Variants in RANBP2 observed in about 807,000 individuals in gnomAD.
RANBP2 encodes E3 SUMO-protein ligase RanBP2.
A neutral mutation model predicts 303.6 loss-of-function variants in RANBP2; 57 were observed. The ratio of observed to expected loss-of-function variants is 0.19; its 90% CI spans 0.15 to 0.23. The LOEUF is 0.23. Among genes scored for constraint, RANBP2 ranks in the 10% least tolerant of loss-of-function variants. The pLI is 1.00. For synonymous variants in RANBP2, 1,167 were observed against 1,301.5 expected (o/e 0.90, Z 2.23); for missense variants, 3,138 against 3,780.8 (o/e 0.83, Z 4.46).
At chr2:109,547,631 T>C in the RANBP2 span, among the ~76,000 whole-genome samples, 2 of 152,174 alleles carry the variant, frequency 1.3e-5, no homozygotes, top group Non-Finnish European at 1.5e-5. Context: ...TTAATTTATT[T>C]TGTTCCACAA....
the RANBP2 span, among the ~76,000 whole-genome samples, chr2:109,167,455 C>A: frequency 2.0e-5 from 3 of 152,150 alleles, no homozygotes; most frequent in Non-Finnish European, 4.4e-5. Flanking sequence ...GTAGAAATAA[C>A]CCCCAGGCTA....
At chr2:108,848,414 A>G in the RANBP2 span, among the ~76,000 whole-genome samples, 1 of 152,202 alleles carries the variant, frequency 6.6e-6, no homozygotes, top group Non-Finnish European at 1.5e-5. Flanking sequence ...GAGACTCTGT[A>G]TTAATCGAGG....
At chr2:109,092,136 G>A in the RANBP2 span, among the ~76,000 whole-genome samples, 2 of 152,232 alleles carry the variant, frequency 1.3e-5, no homozygotes, top group East Asian at 3.9e-4. Context: ...TGTGTATGTG[G>A]AGGGGATCTC....
chr2:109,747,552 G>A, the RANBP2 span, among the ~76,000 whole-genome samples: 1 of 149,648 alleles, frequency 6.7e-6, no homozygotes, highest in African/African-American at 2.5e-5. Context: ...TCAGGAGTTC[G>A]AGCCTGGCCA....
At chr2:109,202,167 C>T in the RANBP2 span, among the ~76,000 whole-genome samples, 1 of 152,170 alleles carries the variant, frequency 6.6e-6, no homozygotes, top group Non-Finnish European at 1.5e-5. Context: ...TAGATGAACA[C>T]GGGGAAGAAA....
At chr2:108,832,884 C>T in the RANBP2 span, among the ~76,000 whole-genome samples, 1 of 152,068 alleles carries the variant, frequency 6.6e-6, no homozygotes, top group Non-Finnish European at 1.5e-5. Flanking sequence ...ACCTGCTGTT[C>T]TAGAACTATA....
the RANBP2 span, among the ~76,000 whole-genome samples, chr2:109,246,953 C>G: frequency 1.3e-5 from 2 of 152,172 alleles, no homozygotes; most frequent in Non-Finnish European, 2.9e-5. Flanking sequence ...GGAGGCGTTC[C>G]CAGAGCATGA....
At chr2:109,268,794 G>T in the RANBP2 span, among the ~76,000 whole-genome samples, 1 of 151,990 alleles carries the variant, frequency 6.6e-6, no homozygotes, top group South Asian at 2.1e-4. Context: ...AGGCTAATGT[G>T]CGTGTTCTGA....
chr2:108,860,362 T>C, the RANBP2 span, among the ~76,000 whole-genome samples: 7 of 152,274 alleles, frequency 4.6e-5, no homozygotes, highest in Admixed American at 4.6e-4. Flanking sequence ...GCTAGGACTT[T>C]AGTACTTTGT....
the RANBP2 span, among the ~76,000 whole-genome samples, chr2:109,063,218 G>C: frequency 6.6e-6 from 1 of 152,140 alleles, no homozygotes; most frequent in African/African-American, 2.4e-5. Flanking sequence ...AACTATGCTT[G>C]TATATCCCCG....
At position 108,763,310 on chromosome 2, in the gene RANBP2, C is replaced by A; in HGVS notation, c.2771C>A (p.Pro924Gln). 1 of 1,613,944 alleles carries A rather than the reference C, an allele frequency of 6.2e-7. No individual in the cohort carries two copies. Among genetic ancestry groups the A allele is most frequent in the African/African-American group, 1.3e-5 (1 of 74,992 alleles). ...IYAYPQQMHT[P>Q]PVQSSSACMF... ...GCCTATCCGCAACAGATGCACACAC[C>A]GCCAGTGCAAAGCTCATCTGCTTGT... The change falls in exon 20 of 29, where the codon CCG becomes CAG. Residue 924 changes from proline (P) to glutamine (Q), a missense_variant. By Grantham distance (76) the Pro-to-Gln change is moderately conservative. This residue lies in a region of RANBP2 where 403 missense variants were observed against 376.7 expected (regional missense o/e 1.07). Coordinates refer to ENST00000283195, the MANE Select transcript of RANBP2 (RefSeq NM_006267.5).
the RANBP2 span, among the ~76,000 whole-genome samples, chr2:109,683,274 C>T: frequency 6.6e-6 from 1 of 152,168 alleles, no homozygotes; most frequent in Non-Finnish European, 1.5e-5. Flanking sequence ...CCAAAGTGCT[C>T]GGATTATAAG....
chr2:109,275,543 G>A, the RANBP2 span, among the ~76,000 whole-genome samples: 3 of 152,200 alleles, frequency 2.0e-5, no homozygotes, highest in African/African-American at 7.2e-5. Context: ...AAGCGTCACA[G>A]GAAATGTGCA....
the RANBP2 span, among the ~76,000 whole-genome samples, chr2:108,888,090 T>A: frequency 6.6e-6 from 1 of 152,322 alleles, no homozygotes; most frequent in East Asian, 1.9e-4. Flanking sequence ...TTGAATTTTT[T>A]AAAATGCTTT....
chr2:109,148,204 T>A, the RANBP2 span, among the ~76,000 whole-genome samples: 2 of 152,232 alleles, frequency 1.3e-5, no homozygotes, highest in African/African-American at 2.4e-5. Context: ...CTGCCTGCTC[T>A]AGGACTCAGG....
the RANBP2 span, chr2:109,546,356 A>G: frequency 5.6e-6 from 3 of 533,902 alleles, no homozygotes; most frequent in Non-Finnish European, 6.2e-6. Flanking sequence ...ACACAGTCAA[A>G]ATCTTTCTGA....
chr2:108,974,536 C>A, the RANBP2 span, among the ~76,000 whole-genome samples: 1 of 151,328 alleles, frequency 6.6e-6, no homozygotes, highest in Non-Finnish European at 1.5e-5. Context: ...TGGAGACCAG[C>A]CTGACCAACA....
chr2:108,758,353 T>A (rs1676477253), intron 17 of RANBP2, 60 bp from the exon 18 acceptor site: 4 of 1,606,184 alleles, frequency 2.5e-6, no homozygotes, highest in Non-Finnish European at 2.6e-6. Flanking sequence ...TCCCCAGCAC[T>A]GTTTCTGTCA....
At position 108,736,246 on chromosome 2, in the gene RANBP2, A is replaced by G; in HGVS notation, c.779A>G (p.Gln260Arg). 2.5e-6 allele frequency: 4 copies of G among 1,611,992 alleles called. No individual in the cohort carries two copies. Among genetic ancestry groups the G allele is most frequent in the Non-Finnish European group, 3.4e-6 (4 of 1,179,832 alleles). The change falls in exon 6 of 29, where the codon CAA becomes CGA. Residue 260 changes from glutamine (Q) to arginine (R), a missense_variant. By Grantham distance (43) the Gln-to-Arg change is conservative. Around this residue, in one of 20 missense-constraint regions of RANBP2, gnomAD observed 306 missense variants for 381.9 expected, o/e 0.80. Coordinates refer to ENST00000283195, the MANE Select transcript of RANBP2 (RefSeq NM_006267.5). ...RDVQESRELL[Q>R]SFDSALQSVK... The stretch of plus-strand genomic sequence containing the variant: ...GTGCAGGAAAGTAGAGAATTACTGC[A>G]AAGGTACGTTGACTTTGAGAAGAAT...
Sources: allele counts gnomAD v4.1 joint callset (sites outside exome capture counted in the v4.1 genomes callset), GRCh38; gene constraint gnomAD v4.1.1; regional missense constraint gnomAD v4.1.1; transcripts MANE v1.5; gene names NCBI Gene and HGNC (gene_info 2026-07-23, HGNC 2026-07-21).